The following ZMPSTE24 variants were observed in gnomAD, a reference collection of about 807,000 sequenced individuals.
ZMPSTE24 encodes the protein CAAX prenyl protease 1 homolog.
In ZMPSTE24, 48 loss-of-function variants were observed where a neutral mutation model predicts 56.7. The observed-to-expected ratio is 0.85, with a 90% CI of 0.67 to 1.08. The LOEUF is 1.08. Ranked by LOEUF, ZMPSTE24 falls within the 50% of genes least tolerant of loss-of-function variation. The probability of loss-of-function intolerance (pLI) is 0.00; values close to 1 mark genes in which losing one functional copy is unlikely to be tolerated. For synonymous variants in ZMPSTE24, 172 were observed against 195.2 expected, an observed-to-expected ratio of 0.88 and a Z score of 0.99; for missense variants, 503 against 548.7, an observed-to-expected ratio of 0.92 and a Z score of 0.83.
chr1:40,290,944 A>G lies in ZMPSTE24; in HGVS notation c.1150A>G (p.Thr384Ala), dbSNP rs762415785. 1 of 1,613,590 alleles carries G rather than the reference A, an allele frequency of 6.2e-7. No individual in the cohort carries two copies. Among genetic ancestry groups the G allele is most frequent in the African/African-American group, 1.3e-5 (1 of 74,850 alleles). Residue 384 changes from threonine (T) to alanine (A), a missense_variant, in exon 9 of 10, where the codon ACT becomes GCT. Coordinates refer to ENST00000372759, the MANE Select transcript of ZMPSTE24 (RefSeq NM_005857.5). ...ATTTGGTTTTTATGATAGCCAACCC[A>G]CTCTTATTGGACTATTGATCATCTT... is the stretch of plus-strand genomic sequence containing the variant. ...AAFGFYDSQP[T>A]LIGLLIIFQF... is the part of the protein sequence containing the mutation.
chr1:40,268,429 C>A lies in ZMPSTE24; in HGVS notation c.368C>A (p.Ser123Tyr). The change falls in exon 4 of 10, where the codon TCC becomes TAC. Residue 123 changes from serine to tyrosine, a missense_variant. Coordinates refer to ENST00000372759, the MANE Select transcript of ZMPSTE24 (RefSeq NM_005857.5). Reference sequence around the variant, plus strand: ...TTTTCTTTTGTTTAGATCACTCAGTCCCTGGTGTTTCTGCTGTTGGCTACA... The same window carrying A: ...TTTTCTTTTGTTTAGATCACTCAGTACCTGGTGTTTCTGCTGTTGGCTACA... ...GFGPEYEITQ[S>Y]LVFLLLATLF... The A allele has an allele frequency of 1.2e-6, 2 of 1,611,290 alleles. No individual in the cohort carries two copies. Among genetic ancestry groups the A allele is most frequent in the South Asian group, 2.2e-5 (2 of 91,040 alleles).
intron 4 of ZMPSTE24, 47 bp downstream of exon 4, chr1:40,268,582 T>C: frequency 7.9e-7 from 1 of 1,266,136 alleles, no homozygotes; most frequent in Non-Finnish European, 1.1e-6. Flanking sequence ...GAAAAACTTC[T>C]GTGCTTTTGT....
chr1:40,265,509 C>A (rs888281638), intron 2 of ZMPSTE24, among the ~76,000 whole-genome samples: 2 of 152,056 alleles, frequency 1.3e-5, no homozygotes, highest in Admixed American at 1.3e-4. Context: ...TGAGGCCAGC[C>A]TGGGCAACAT....
intron 8 of ZMPSTE24, among the ~76,000 whole-genome samples, chr1:40,287,221 C>T (rs368775708): frequency 2.6e-5 from 4 of 151,706 alleles, no homozygotes; most frequent in African/African-American, 4.8e-5. Flanking sequence ...TGCATGCCAC[C>T]GCGCCCGGCT....
intron 7 of ZMPSTE24, among the ~76,000 whole-genome samples, chr1:40,284,941 T>TC (rs1643770853): frequency 6.6e-6 from 1 of 150,752 alleles, no homozygotes; most frequent in South Asian, 2.1e-4. Flanking sequence ...TTTTTTTTTT[T>TC]TTGAGATGGA....
At chr1:40,269,767 C>T (rs546888126) in intron 4 of ZMPSTE24, among the ~76,000 whole-genome samples, 1 of 152,270 alleles carries the variant, frequency 6.6e-6, no homozygotes, top group Admixed American at 6.5e-5. Flanking sequence ...CACTCGTCCT[C>T]AGTTAATAAG....
At chr1:40,285,596 A>G (rs1643779305) in intron 7 of ZMPSTE24, among the ~76,000 whole-genome samples, 2 of 152,332 alleles carry the variant, frequency 1.3e-5, no homozygotes, top group South Asian at 4.1e-4. Flanking sequence ...ACTGTCATAT[A>G]ACTTTATCAT....
At chr1:40,290,160 G>A (rs1193572352) in intron 8 of ZMPSTE24, among the ~76,000 whole-genome samples, 5 of 152,024 alleles carry the variant, frequency 3.3e-5, no homozygotes, top group South Asian at 2.1e-4. Context: ...CAGGTGGGTG[G>A]ATCATCTGAG....
rs1439651259 is a variant in ZMPSTE24 at position 40,281,351 on chromosome 1, C to G, written c.778C>G (p.Arg260Gly). The change falls in exon 7 of 10, where the codon CGC becomes GGC. Residue 260 changes from arginine to glycine, a missense_variant. Transcript: ENST00000372759. ...TKVYVVEGSK[R>G]SSHSNAYFYG... The stretch of plus-strand genomic sequence containing the variant: ...AACTGTCTTTTCCTTAGGATCTAAA[C>G]GCTCTTCCCACAGCAATGCTTATTT... The G allele has an allele frequency of 1.2e-6, 2 of 1,613,902 alleles. No homozygotes were observed.
At chr1:40,282,125 G>C (rs1334219911) in intron 7 of ZMPSTE24, among the ~76,000 whole-genome samples, 1 of 152,166 alleles carries the variant, frequency 6.6e-6, no homozygotes, top group African/African-American at 2.4e-5. Context: ...TTCCTCTTAA[G>C]CTTACAGTCT....
chr1:40,279,461 A>G (rs1450332431), intron 6 of ZMPSTE24, among the ~76,000 whole-genome samples: 1 of 152,226 alleles, frequency 6.6e-6, no homozygotes, highest in African/African-American at 2.4e-5. Context: ...CCAACAAGAA[A>G]TACGTTTGCT....
intron 1 of ZMPSTE24, 65 bp downstream of exon 1, chr1:40,258,459 G>C: frequency 6.2e-7 from 1 of 1,610,224 alleles, no homozygotes; most frequent in Non-Finnish European, 8.5e-7. Flanking sequence ...CCTTGGCTTC[G>C]ACCCTGAGAC....
chr1:40,283,238 C>T (rs1643747927), intron 7 of ZMPSTE24, among the ~76,000 whole-genome samples: 1 of 152,120 alleles, frequency 6.6e-6, no homozygotes, highest in Non-Finnish European at 1.5e-5. Context: ...GCACTGTGGC[C>T]CATACCTGTA....
At chr1:40,281,181 T>C (rs1643725077) in intron 6 of ZMPSTE24, among the ~76,000 whole-genome samples, 162 bp from the exon 7 acceptor site, 1 of 152,226 alleles carries the variant, frequency 6.6e-6, no homozygotes, top group Non-Finnish European at 1.5e-5. Context: ...AAACAGACAC[T>C]CTCCACTGCT....
intron 2 of ZMPSTE24, among the ~76,000 whole-genome samples, chr1:40,261,503 C>G (rs1002753645): frequency 1.3e-5 from 2 of 152,080 alleles, no homozygotes; most frequent in African/African-American, 4.8e-5. Flanking sequence ...TTGCATGCCA[C>G]CATACCGTCT....
intron 6 of ZMPSTE24, among the ~76,000 whole-genome samples, chr1:40,274,182 C>T (rs922645234): frequency 3.9e-5 from 6 of 152,124 alleles, no homozygotes; most frequent in Non-Finnish European, 8.8e-5. Context: ...GTCAGGAGTT[C>T]GAGACAAACT....
intron 2 of ZMPSTE24, among the ~76,000 whole-genome samples, chr1:40,261,490 C>T (rs548694527): frequency 1.3e-5 from 2 of 152,132 alleles, no homozygotes; most frequent in South Asian, 2.1e-4. Flanking sequence ...GTTGGGACTA[C>T]AGTTGCATGC....
intron 2 of ZMPSTE24, among the ~76,000 whole-genome samples, chr1:40,265,827 A>T (rs1643543415): frequency 6.6e-6 from 1 of 152,206 alleles, no homozygotes; most frequent in Admixed American, 6.5e-5. Flanking sequence ...GAGACTTTGC[A>T]TTTCTAAGAA....
At chr1:40,290,741 C>A (rs1014414234) in intron 8 of ZMPSTE24, 113 bp from the exon 9 acceptor site, 13 of 1,293,884 alleles carry the variant, frequency 1.0e-5, no homozygotes, top group African/African-American at 1.5e-5. Flanking sequence ...GGATTACAGG[C>A]GTGAGCCACC....
Sources: allele counts gnomAD v4.1 joint callset (sites outside exome capture counted in the v4.1 genomes callset), GRCh38; gene constraint gnomAD v4.1.1; transcripts MANE v1.5; gene names NCBI Gene and HGNC (gene_info 2026-07-23, HGNC 2026-07-21).